The following PLD4 variants were observed in gnomAD, a reference collection of about 807,000 sequenced individuals.
The protein encoded by PLD4 is phospholipase D family member 4, also known as 5'-3' exonuclease PLD4.
Under a neutral mutation model 52.3 loss-of-function variants are expected in PLD4, and 54 were observed. That is an observed-to-expected ratio of 1.03 (90% confidence interval 0.83 to 1.30). The LOEUF is 1.30. Among genes scored for constraint, PLD4 ranks in the 50% most tolerant of loss-of-function variants. PLD4 has a pLI of 0.00. For synonymous variants in PLD4, 264 were observed against 286.5 expected (o/e 0.92, Z 0.79); for missense variants, 731 against 671.1 (o/e 1.09, Z -0.99).
intron 3 of PLD4, among the ~76,000 whole-genome samples, chr14:104,928,361 G>C (rs552862848): frequency 1.3e-3 from 199 of 152,244 alleles, no homozygotes; most frequent in Non-Finnish European, 1.5e-3. Flanking sequence ...TCCACACCAC[G>C]AGGCCACCCC....
Position 104,932,323 on chromosome 14 carries a change from A to T in PLD4, c.1289A>T (p.Lys430Met). Residue 430 changes from lysine to methionine, a missense_variant, in exon 10 of 11, where the codon AAG becomes ATG. By Grantham distance (95) the Lys-to-Met change is moderately conservative. Coordinates refer to ENST00000392593, the MANE Select transcript of PLD4 (RefSeq NM_138790.5). This position sits in a 1 kb window ranked among gnomAD's most constrained non-coding sequence, Gnocchi z 6.5. ...CCATTCAGCAGGGTGAACCACAGCA[A>T]GTTCATGGTCACGGAGAAGGCAGCC... ...NIPFSRVNHS[K>M]FMVTEKAAYI... is the part of the protein sequence containing the mutation. 6.2e-7 allele frequency: 1 copy of T among 1,612,690 alleles called. No homozygotes were observed. Among genetic ancestry groups the T allele is most frequent in the South Asian group, 1.1e-5 (1 of 91,072 alleles).
chr14:104,929,874 G>A (rs900728247), intron 5 of PLD4, 104 bp from the exon 6 acceptor site: 5 of 1,346,602 alleles, frequency 3.7e-6, no homozygotes, highest in Admixed American at 1.9e-5. Context: ...ACTGTTGTGA[G>A]GACATCTGAG....
Position 104,929,332 on chromosome 14 carries a change from A to C in PLD4, c.494A>C (p.Gln165Pro). ...QLGEALLQKL[Q>P]QLLGRNISLA... ...GGAGAGGCTCTTCTGCAGAAGCTGCAGCAGCTGCTGGGCAGGAACATTTCC... is the reference window on the plus strand; with the variant it reads ...GGAGAGGCTCTTCTGCAGAAGCTGCCGCAGCTGCTGGGCAGGAACATTTCC... The change falls in exon 5 of 11, where the codon CAG becomes CCG. Residue 165 changes from glutamine (Q) to proline (P), a missense_variant. Gln to Pro is a moderately conservative substitution (Grantham distance 76). Coordinates refer to ENST00000392593, the MANE Select transcript of PLD4 (RefSeq NM_138790.5). 1 of 1,578,548 alleles carries C rather than the reference A, an allele frequency of 6.3e-7. No homozygotes were observed. The highest frequency in any genetic ancestry group is 1.7e-4 in the Middle Eastern group (1 of 5,980).
At chr14:104,930,682 T>A in intron 6 of PLD4, 60 bp from the exon 7 acceptor site, 1 of 1,571,256 alleles carries the variant, frequency 6.4e-7, no homozygotes, top group South Asian at 1.1e-5. Flanking sequence ...CTGGGTGGAG[T>A]GGGGTGGAGG....
At chr14:104,929,836 G>C in intron 5 of PLD4, 142 bp from the exon 6 acceptor site, 3 of 973,980 alleles carry the variant, frequency 3.1e-6, no homozygotes. Context: ...CTATAAAATG[G>C]GGATGAGGAT....
At chr14:104,928,244 G>A (rs1056531592) in intron 3 of PLD4, among the ~76,000 whole-genome samples, 2 of 152,028 alleles carry the variant, frequency 1.3e-5, no homozygotes, top group East Asian at 1.9e-4. Context: ...GGACTGCCCC[G>A]GAGGAACCTG....
In PLD4 at chr14:104,932,637, G is replaced by A. The variant is rs1897694768; in HGVS notation, c.1322-128G>A. On this transcript the variant is annotated intron_variant, in intron 10 of 10. Coordinates refer to ENST00000392593, the MANE Select transcript of PLD4 (RefSeq NM_138790.5). The surrounding 1 kb of genome is among the most constrained non-coding windows in gnomAD (Gnocchi z 6.5). ...CCTAAGCGAGGGGCTTCCCCGGCTG[G>A]AGTCTGATGACAGTGGAGGGGCCAG... The A allele has an allele frequency of 9.9e-7, 1 of 1,011,268 alleles. No homozygotes were observed. The highest frequency in any genetic ancestry group is 1.6e-5 in the African/African-American group (1 of 61,084). 62.6% of individuals were successfully genotyped at this position (1,011,268 alleles called of 1,614,324 possible).
chr14:104,932,335 C>A lies in PLD4; in HGVS notation c.1301C>A (p.Thr434Lys). 8 of 1,612,684 alleles carry A rather than the reference C, an allele frequency of 5.0e-6. No homozygotes were observed. The highest frequency in any genetic ancestry group is 6.8e-6 in the Non-Finnish European group (8 of 1,179,856). ...GTGAACCACAGCAAGTTCATGGTCA[C>A]GGAGAAGGCAGCCTACATAGGTGAG... ...SRVNHSKFMV[T>K]EKAAYIGTSN... is the part of the protein sequence containing the mutation. The change falls in exon 10 of 11, where the codon ACG (threonine) becomes AAG (lysine). Residue 434 changes from threonine to lysine, a missense_variant. Thr to Lys is a moderately conservative substitution (Grantham distance 78, BLOSUM62 -1). Coordinates refer to ENST00000392593, the MANE Select transcript of PLD4 (RefSeq NM_138790.5). This position sits in a 1 kb window ranked among gnomAD's most constrained non-coding sequence, Gnocchi z 6.5.
At chr14:104,926,132 C>T (rs1256457200) in intron 1 of PLD4, among the ~76,000 whole-genome samples, 1 of 152,162 alleles carries the variant, frequency 6.6e-6, no homozygotes, top group Non-Finnish European at 1.5e-5. Flanking sequence ...GGTCCCAGCG[C>T]CCAGCCTGGC....
downstream of PLD4, chr14:104,936,331 C>A (rs1897808870): frequency 6.6e-6 from 1 of 152,266 alleles, no homozygotes. Flanking sequence ...CCTTGCTTAA[C>A]TGGGATGAGT....
chr14:104,931,922 C>A (rs1044245532), intron 8 of PLD4, 35 bp downstream of exon 8: 1 of 1,525,738 alleles, frequency 6.6e-7, no homozygotes, highest in Admixed American at 2.0e-5. Context: ...GCCTGCTCTG[C>A]TGACGGGCAG....
intron 1 of PLD4, among the ~76,000 whole-genome samples, chr14:104,926,100 A>G (rs1897445925): frequency 6.6e-6 from 1 of 152,068 alleles, no homozygotes; most frequent in African/African-American, 2.4e-5. Flanking sequence ...TCCTGGGTGG[A>G]CAGCCGACCC....
Position 104,932,108 on chromosome 14 carries a change from C to T in PLD4, c.1155C>T (p.Pro385=), listed in dbSNP as rs1322748970. 6.2e-7 allele frequency: 1 copy of T among 1,611,116 alleles called. No individual in the cohort carries two copies. The highest frequency in any genetic ancestry group is 1.3e-5 in the African/African-American group (1 of 74,902). ...LLVGCGLNTD[P]TMFPYLRSLQ... ...TCGGCTGCGGACTCAACACGGACCC[C>T]ACCATGTTCCCCTACCTGCGGTCCC... Residue 385 remains proline, a synonymous_variant, in exon 9 of 11, where the codon CCC becomes CCT. Transcript: ENST00000392593. The surrounding 1 kb of genome is among the most constrained non-coding windows in gnomAD (Gnocchi z 6.5).
At position 104,932,657 on chromosome 14, in the gene PLD4, G is replaced by A; in HGVS notation, c.1322-108G>A. On this transcript the variant is annotated intron_variant, in intron 10 of 10. Transcript: ENST00000392593. The surrounding 1 kb of genome is among the most constrained non-coding windows in gnomAD (Gnocchi z 6.5). ...GGCTGGAGTCTGATGACAGTGGAGG[G>A]GCCAGCTGCCAACCGTCCCCAAACC... is the stretch of plus-strand genomic sequence containing the variant. 5.1e-6 allele frequency: 6 copies of A among 1,171,340 alleles called. No individual in the cohort carries two copies. Among genetic ancestry groups the A allele is most frequent in the Non-Finnish European group, 5.9e-6 (5 of 846,092 alleles). 72.6% of individuals were successfully genotyped at this position (1,171,340 alleles called of 1,614,324 possible).
chr14:104,930,182 A>T, intron 6 of PLD4, 77 bp downstream of exon 6: 1 of 1,567,358 alleles, frequency 6.4e-7, no homozygotes. Flanking sequence ...TTGGCCTGAC[A>T]TCTCAGTGCA....
At position 104,932,096 on chromosome 14, in the gene PLD4, C is replaced by G. The variant is rs1897669642; in HGVS notation, c.1143C>G (p.Leu381=). 2 of 1,610,668 alleles carry G rather than the reference C, an allele frequency of 1.2e-6. No individual in the cohort carries two copies. The highest frequency in any genetic ancestry group is 8.5e-7 in the Non-Finnish European group (1 of 1,179,290). ...VRVRLLVGCG[L]NTDPTMFPYL... is the part of the protein sequence containing the mutation. Reference sequence around the variant, plus strand: ...TGCGCCTGCTGGTCGGCTGCGGACTCAACACGGACCCCACCATGTTCCCCT... The same window carrying G: ...TGCGCCTGCTGGTCGGCTGCGGACTGAACACGGACCCCACCATGTTCCCCT... Residue 381 remains leucine, a synonymous_variant, in exon 9 of 11, where the codon CTC becomes CTG. Transcript: ENST00000392593. The surrounding 1 kb of genome is among the most constrained non-coding windows in gnomAD (Gnocchi z 6.5).
intron 4 of PLD4, 171 bp downstream of exon 4, chr14:104,929,103 C>CTGCCGTTAGAGCCCCCA: frequency 8.4e-7 from 1 of 1,183,912 alleles, no homozygotes; most frequent in Non-Finnish European, 1.2e-6. Context: ...GCAGAGGTGT[C>CTGCCGTTAGAGCCCCCA]AAGGAGCTGG....
rs375062151 is a variant in PLD4 at position 104,928,936 on chromosome 14, C to T, written c.468+4C>T. ...CAACGACTCGTCTTCCCAGCTGGTGCGCCCCGCCCTGGCCCCACCGCATCC... is the reference window on the plus strand; with the variant it reads ...CAACGACTCGTCTTCCCAGCTGGTGTGCCCCGCCCTGGCCCCACCGCATCC... On this transcript the variant is annotated splice_donor_region_variant and intron_variant, in intron 4 of 10. Transcript: ENST00000392593. 952 of 1,590,982 alleles carry T rather than the reference C, an allele frequency of 6.0e-4. 10 individuals carry two copies. The South Asian group carries it at 7.1e-3, about 12-fold the overall frequency.
At chr14:104,927,004 C>T (rs868074463) in intron 1 of PLD4, 137 bp from the exon 2 acceptor site, 7 of 712,310 alleles carry the variant, frequency 9.8e-6, no homozygotes, top group South Asian at 3.7e-5. Flanking sequence ...GGCGTGACCT[C>T]GGGCATGAGT....
Sources: allele counts gnomAD v4.1 joint callset (sites outside exome capture counted in the v4.1 genomes callset), GRCh38; gene constraint gnomAD v4.1.1; non-coding constraint Gnocchi (gnomAD v3.1); transcripts MANE v1.5; gene names NCBI Gene and HGNC (gene_info 2026-07-23, HGNC 2026-07-21).